Variants in DNAH14 observed in about 807,000 individuals in gnomAD.
The protein encoded by DNAH14 is dynein axonemal heavy chain 14, also known as axonemal beta dynein heavy chain 14.
DNAH14 carries 478 observed loss-of-function variants against 520.9 expected under a neutral mutation model. That is an observed-to-expected ratio of 0.92 (90% CI 0.85 to 0.99). The LOEUF is 0.99. Among genes scored for constraint, DNAH14 ranks in the 50% least tolerant of loss-of-function variants. DNAH14 has a pLI of 0.00. For synonymous variants in DNAH14, 1,581 were observed against 1,757.2 expected (o/e 0.90, Z 2.51); for missense variants, 4,831 against 5,234.5 (o/e 0.92, Z 2.38).
At chr1:225,169,871 A>G (rs142236555) in intron 36 of DNAH14, among the ~76,000 whole-genome samples, 1 of 152,314 alleles carries the variant, frequency 6.6e-6, no homozygotes, top group African/African-American at 2.4e-5. Context: ...GCCAGAGAGA[A>G]AGGTCGGGTT....
chr1:225,325,520 G>A (rs1351051060), intron 64 of DNAH14, among the ~76,000 whole-genome samples: 1 of 151,208 alleles, frequency 6.6e-6, no homozygotes, highest in Admixed American at 6.6e-5. Context: ...TACTTAACCT[G>A]TTTATATCAT....
At chr1:225,283,942 G>A (rs1216778106) in intron 54 of DNAH14, among the ~76,000 whole-genome samples, 5 of 152,074 alleles carry the variant, frequency 3.3e-5, no homozygotes, top group Admixed American at 2.0e-4. Context: ...GGTGAAAGAA[G>A]AAACTGCAGA....
chr1:225,123,967 G>T (rs886573894), intron 27 of DNAH14, among the ~76,000 whole-genome samples: 8 of 151,932 alleles, frequency 5.3e-5, no homozygotes, highest in African/African-American at 1.9e-4. Context: ...TGGCCAGGCT[G>T]GTCTTGAACT....
intron 75 of DNAH14, among the ~76,000 whole-genome samples, chr1:225,361,510 G>T (rs1361169869): frequency 6.6e-6 from 1 of 152,154 alleles, no homozygotes; most frequent in Non-Finnish European, 1.5e-5. Context: ...TTTTTCTCCA[G>T]CCTTGGTTTT....
chr1:225,301,342 A>C (rs2094135449), intron 56 of DNAH14, among the ~76,000 whole-genome samples: 1 of 152,202 alleles, frequency 6.6e-6, no homozygotes, highest in Non-Finnish European at 1.5e-5. Flanking sequence ...TTACACAAAG[A>C]TTCTTTCCTA....
At chr1:225,195,285 A>G (rs1422717567) in intron 38 of DNAH14, among the ~76,000 whole-genome samples, 5 of 152,176 alleles carry the variant, frequency 3.3e-5, no homozygotes, top group Non-Finnish European at 7.4e-5. Context: ...TAGACTGGAT[A>G]AAGAAAATGT....
chr1:224,968,708 G>C (rs2061337261), intron 6 of DNAH14, 51 bp from the exon 7 acceptor site: 1 of 1,104,842 alleles, frequency 9.1e-7, no homozygotes, highest in African/African-American at 1.7e-5. Context: ...CTTGAAAATG[G>C]TACATATTTT....
intron 15 of DNAH14, 132 bp downstream of exon 15, chr1:225,044,115 C>A: frequency 1.8e-6 from 1 of 560,296 alleles, no homozygotes; most frequent in Non-Finnish European, 3.1e-6. Flanking sequence ...AATGCACAGT[C>A]CTTGGGATCA....
intron 73 of DNAH14, among the ~76,000 whole-genome samples, chr1:225,356,959 G>A (rs1420300515): frequency 1.3e-5 from 2 of 152,158 alleles, no homozygotes; most frequent in East Asian, 1.9e-4. Flanking sequence ...GTCTGATCAA[G>A]TGTTGAGTGT....
chr1:225,368,108 AC>A, intron 77 of DNAH14, 76 bp downstream of exon 77: 6 of 1,249,090 alleles, frequency 4.8e-6, no homozygotes, highest in Non-Finnish European at 4.4e-6. Context: ...ATGTGCCTAC[AC>A]AAATGTGAGT....
chr1:225,117,897 G>A lies in DNAH14; in HGVS notation c.3989G>A (p.Cys1330Tyr). ...GGTTCACAGCCTCATCTTGTGAAATGCTTTGAAAATATAAAACAATTATTG... is the reference window on the plus strand; with the variant it reads ...GGTTCACAGCCTCATCTTGTGAAATACTTTGAAAATATAAAACAATTATTG... ...PESVQPHLVK[C>Y]FENIKQLLIW... The change falls in exon 25 of 86, where the codon TGC becomes TAC. Residue 1330 changes from cysteine to tyrosine, a missense_variant. Transcript: ENST00000682510. 6.5e-7 allele frequency: 1 copy of A among 1,549,050 alleles called. No individual in the cohort carries two copies. Among genetic ancestry groups the A allele is most frequent in the Non-Finnish European group, 8.7e-7 (1 of 1,145,020 alleles).
chr1:225,067,571 A>G (rs2148466210), intron 17 of DNAH14, among the ~76,000 whole-genome samples: 1 of 152,270 alleles, frequency 6.6e-6, no homozygotes, highest in East Asian at 1.9e-4. Flanking sequence ...GAACTAATTT[A>G]CACTCTCATC....
At chr1:225,083,718 C>T (rs1207682076) in intron 20 of DNAH14, among the ~76,000 whole-genome samples, 1 of 152,106 alleles carries the variant, frequency 6.6e-6, no homozygotes, top group African/African-American at 2.4e-5. Flanking sequence ...AATATCTCAT[C>T]TTAGAGCCTC....
rs1019256894 is a variant in DNAH14, at chr1:225,050,364, C to G, written c.2067C>G (p.Ala689=). The change falls in exon 16 of 86, where the codon GCC becomes GCG. Residue 689 remains alanine, a synonymous_variant. Transcript: ENST00000682510. The part of the protein sequence containing the change: ...DCHILFETDP[A]YQNIIVNLLT... ...ACATCCTTTTTGAAACAGATCCTGC[C>G]TACCAAAATATAGTAAGTTTTAAAA... The G allele has an allele frequency of 3.2e-6, 5 of 1,542,446 alleles. No individual in the cohort carries two copies. In the African/African-American group the frequency reaches 6.9e-5, roughly 21 times the overall value.
At chr1:225,062,820 TA>T (rs2070354181) in intron 17 of DNAH14, among the ~76,000 whole-genome samples, 1 of 152,144 alleles carries the variant, frequency 6.6e-6, no homozygotes, top group African/African-American at 2.4e-5. Flanking sequence ...AGATTAAAGA[TA>T]GACCTCAAAG....
At chr1:225,274,983 A>G (rs562137936) in intron 52 of DNAH14, among the ~76,000 whole-genome samples, 2 of 152,338 alleles carry the variant, frequency 1.3e-5, no homozygotes, top group South Asian at 4.1e-4. Flanking sequence ...TTTAATCTTA[A>G]TTCATAACAC....
intron 11 of DNAH14, among the ~76,000 whole-genome samples, chr1:225,026,311 G>A (rs1478508305): frequency 6.6e-6 from 1 of 151,406 alleles, no homozygotes; most frequent in Non-Finnish European, 1.5e-5. Flanking sequence ...TGTGCTTTAA[G>A]TGTATCTAAG....
Position 225,206,957 on chromosome 1 carries a change from CTTA to C in DNAH14, c.6187-4_6187-2del, listed in dbSNP as rs1056215725. On this transcript the variant is annotated splice_region_variant and splice_polypyrimidine_tract_variant and intron_variant, in intron 40 of 85. Coordinates refer to ENST00000682510, the MANE Select transcript of DNAH14 (RefSeq NM_001367479.1). ...ATTTACATAAGATTATATTTTGCTC[CTTA>C]TTATTAGGATCCTGTTGATCTGGGA... The C allele has an allele frequency of 2.1e-6, 3 of 1,460,326 alleles. No homozygotes were observed. Among genetic ancestry groups the C allele is most frequent in the South Asian group, 1.4e-5 (1 of 69,254 alleles). 90.5% of individuals were successfully genotyped at this position (1,460,326 alleles called of 1,614,324 possible).
intron 10 of DNAH14, among the ~76,000 whole-genome samples, chr1:225,018,557 G>T (rs1291568842): frequency 6.6e-6 from 1 of 152,048 alleles, no homozygotes; most frequent in Non-Finnish European, 1.5e-5. Flanking sequence ...CTGTGTGAAG[G>T]AGTTGATCAT....
Sources: allele counts gnomAD v4.1 joint callset (sites outside exome capture counted in the v4.1 genomes callset), GRCh38; gene constraint gnomAD v4.1.1; transcripts MANE v1.5; gene names NCBI Gene and HGNC (gene_info 2026-07-23, HGNC 2026-07-21).